The following ALKAL1 variants were observed in gnomAD, a reference collection of about 807,000 sequenced individuals.
ALKAL1 encodes ALK and LTK ligand 1.
Under a neutral mutation model 13.5 loss-of-function variants are expected in ALKAL1, and 23 were observed. The ratio of observed to expected loss-of-function variants is 1.70; its 90% CI spans 1.23 to 2.41. The LOEUF is 2.41. Among genes scored for constraint, ALKAL1 ranks in the 30% most tolerant of loss-of-function variants. The probability of loss-of-function intolerance (pLI) is 0.00; values close to 1 mark genes in which losing one functional copy is unlikely to be tolerated. For synonymous variants in ALKAL1, 85 were observed against 77.7 expected, an observed-to-expected ratio of 1.09 and a Z score of -0.49; for missense variants, 181 against 178.4, an observed-to-expected ratio of 1.01 and a Z score of -0.08.
chr8:52,552,505 G>T (rs1341018385), intron 1 of ALKAL1, among the ~76,000 whole-genome samples: 1 of 152,182 alleles, frequency 6.6e-6, no homozygotes, highest in African/African-American at 2.4e-5. Flanking sequence ...TGAGGACATA[G>T]TATCTACATG....
At position 52,534,498 on chromosome 8, in the gene ALKAL1, A is replaced by G; in HGVS notation, c.*115T>C. On this transcript the variant is annotated 3_prime_UTR_variant, in exon 5 of 5. Transcript: ENST00000358543. ...TTATTTCTGGGAAGTCTCTTATTTTACTCATCTTAATATCCATAAAAATAT... is the reference window on the plus strand; with the variant it reads ...TTATTTCTGGGAAGTCTCTTATTTTGCTCATCTTAATATCCATAAAAATAT... The G allele has an allele frequency of 4.0e-6, 2 of 503,320 alleles. No homozygotes were observed. The highest frequency in any genetic ancestry group is 6.9e-6 in the Non-Finnish European group (2 of 290,102). The allele number at this position is 503,320 out of a possible 1,614,324, so 31.2% of individuals were successfully genotyped here.
intron 3 of ALKAL1, 88 bp from the exon 4 acceptor site, chr8:52,538,595 C>A (rs957680278): frequency 7.4e-6 from 6 of 812,536 alleles, no homozygotes; most frequent in Non-Finnish European, 1.2e-5. Context: ...ATTCATATAA[C>A]AATAACTACA....
intron 1 of ALKAL1, among the ~76,000 whole-genome samples, chr8:52,555,078 G>C (rs571597762): frequency 6.6e-6 from 1 of 152,148 alleles, no homozygotes; most frequent in South Asian, 2.1e-4. Flanking sequence ...GGCTGAGGCA[G>C]GAGAATGGTG....
chr8:52,557,028 T>C (rs1304121660), intron 1 of ALKAL1, among the ~76,000 whole-genome samples: 1 of 152,204 alleles, frequency 6.6e-6, no homozygotes, highest in Non-Finnish European at 1.5e-5. Flanking sequence ...TCACAAAAGA[T>C]AGTTATAAGA....
At chr8:52,560,127 A>G (rs534652019) in intron 1 of ALKAL1, among the ~76,000 whole-genome samples, 12 of 152,152 alleles carry the variant, frequency 7.9e-5, no homozygotes, top group Non-Finnish European at 1.3e-4. Context: ...AGGAAGAAAA[A>G]AACGCTATCT....
chr8:52,548,605 C>T (rs1175727597), intron 1 of ALKAL1, among the ~76,000 whole-genome samples: 2 of 151,964 alleles, frequency 1.3e-5, no homozygotes, highest in East Asian at 1.9e-4. Flanking sequence ...CACTATGTAC[C>T]CATTATTTGC....
intron 1 of ALKAL1, among the ~76,000 whole-genome samples, chr8:52,557,692 G>T (rs952337171): frequency 1.1e-4 from 17 of 152,104 alleles, no homozygotes; most frequent in African/African-American, 3.9e-4. Flanking sequence ...ATTAACAGAC[G>T]TATAAAATAT....
At chr8:52,561,949 C>T (rs899926583) in intron 1 of ALKAL1, among the ~76,000 whole-genome samples, 2 of 152,218 alleles carry the variant, frequency 1.3e-5, no homozygotes, top group Non-Finnish European at 2.9e-5. Context: ...CCTCCCACAT[C>T]TCAAGCCAAT....
chr8:52,560,027 T>C (rs1029787934), intron 1 of ALKAL1, among the ~76,000 whole-genome samples: 2 of 152,050 alleles, frequency 1.3e-5, no homozygotes, highest in South Asian at 4.1e-4. Context: ...AAAAACCGAG[T>C]AACCCCTAGT....
chr8:52,558,347 C>CAAAAAAAAAA, intron 1 of ALKAL1, among the ~76,000 whole-genome samples: 1 of 18,874 alleles, frequency 5.3e-5, no homozygotes, highest in Non-Finnish European at 1.1e-4. Context: ...GACTCCATCT[C>CAAAAAAAAAA]AAAAAAAAAA....
chr8:52,557,208 G>A lies in ALKAL1; in HGVS notation c.190+7859C>T, dbSNP rs145344284. ...TCTTTTCAGGTTCACCATGGCTGAT[G>A]CCCGGGTGGTGCTTGGAGAGAGTAA... On this transcript the variant is annotated intron_variant, in intron 1 of 4. Coordinates refer to ENST00000358543, the MANE Select transcript of ALKAL1 (RefSeq NM_207413.4). 3.5e-3 allele frequency among the ~76,000 whole-genome samples: 538 copies of A among 152,320 alleles called. 2 individuals are homozygous for A. The highest frequency in any genetic ancestry group is 6.2e-3 in the Non-Finnish European group (422 of 68,020).
At position 52,557,826 on chromosome 8, in the gene ALKAL1, A is replaced by G. The variant is rs187236652; in HGVS notation, c.190+7241T>C. On this transcript the variant is annotated intron_variant, in intron 1 of 4. Transcript: ENST00000358543. ...GTAGCGAAACCCATCTCTACTAAAA[A>G]CACAAAAAAATTACTGGGTGTGGTG... Among the ~76,000 whole-genome samples, 61 of 151,692 alleles carry G rather than the reference A, an allele frequency of 4.0e-4. 1 individual carries two copies. The highest frequency in any genetic ancestry group is 1.5e-3 in the African/African-American group (60 of 41,326).
chr8:52,536,629 C>A (rs2150343100), intron 4 of ALKAL1, among the ~76,000 whole-genome samples: 1 of 152,258 alleles, frequency 6.6e-6, no homozygotes, highest in South Asian at 2.1e-4. Flanking sequence ...ATTACAATAT[C>A]TTCTCTCTGT....
At chr8:52,542,816 T>A (rs532694507) in intron 1 of ALKAL1, among the ~76,000 whole-genome samples, 108 of 152,348 alleles carry the variant, frequency 7.1e-4, no homozygotes, top group African/African-American at 2.5e-3. Flanking sequence ...GACTTCCTTT[T>A]TCCCTCACCC....
intron 1 of ALKAL1, among the ~76,000 whole-genome samples, chr8:52,545,482 C>T (rs1202829792): frequency 6.6e-6 from 1 of 152,000 alleles, no homozygotes; most frequent in Non-Finnish European, 1.5e-5. Flanking sequence ...CTACTTTTGA[C>T]CTGGAACCCC....
intron 1 of ALKAL1, among the ~76,000 whole-genome samples, chr8:52,545,019 G>A (rs1215127587): frequency 1.3e-5 from 2 of 152,070 alleles, no homozygotes; most frequent in African/African-American, 4.8e-5. Context: ...GGGCTCAAGC[G>A]ATCCTCCCAC....
chr8:52,548,459 CAAT>C lies in ALKAL1; in HGVS notation c.191-6017_191-6015del, dbSNP rs560516959. Among the ~76,000 whole-genome samples, 50 of 151,442 alleles carry C rather than the reference CAAT, an allele frequency of 3.3e-4. No individual in the cohort carries two copies. The East Asian group carries it at 8.3e-3, about 25-fold the overall frequency. Reference sequence around the variant, plus strand: ...AGCACTGTAAGATGACTACAGTAAACAATAATATACTGTACAATTTCAAGTAGC... The same window carrying C: ...AGCACTGTAAGATGACTACAGTAAACAATATACTGTACAATTTCAAGTAGC... On this transcript the variant is annotated intron_variant, in intron 1 of 4. Coordinates refer to ENST00000358543, the MANE Select transcript of ALKAL1 (RefSeq NM_207413.4).
intron 1 of ALKAL1, among the ~76,000 whole-genome samples, chr8:52,562,860 C>A (rs1040006233): frequency 6.6e-6 from 1 of 152,202 alleles, no homozygotes; most frequent in East Asian, 1.9e-4. Flanking sequence ...CCCCTGCCAC[C>A]TGCTGAGTGC....
At chr8:52,544,522 C>T (rs536811938) in intron 1 of ALKAL1, among the ~76,000 whole-genome samples, 3 of 152,048 alleles carry the variant, frequency 2.0e-5, no homozygotes, top group Non-Finnish European at 4.4e-5. Flanking sequence ...GTGCTTAATT[C>T]TGTGGGTGAT....
Sources: gnomAD v4.1 joint callset for allele counts (sites outside exome capture counted in the v4.1 genomes callset) on GRCh38, gnomAD v4.1.1 for gene constraint, MANE v1.5 for transcripts, NCBI Gene and HGNC (gene_info 2026-07-23, HGNC 2026-07-21) for gene names.